The following SMIM36 variants were observed in gnomAD, a reference collection of about 807,000 sequenced individuals.
SMIM36 encodes small integral membrane protein 36.
At chr17:55,472,400 A>T (rs946740841) in intron 3 of SMIM36, among the ~76,000 whole-genome samples, 1 of 152,198 alleles carries the variant, frequency 6.6e-6, no homozygotes, top group Non-Finnish European at 1.5e-5. Context: ...TATGCTTTCC[A>T]CATCCTCCAT....
intron 1 of SMIM36, among the ~76,000 whole-genome samples, chr17:55,497,051 A>G (rs1394223663): frequency 6.6e-6 from 1 of 152,130 alleles, no homozygotes; most frequent in Non-Finnish European, 1.5e-5. Flanking sequence ...TACTTTAGGG[A>G]TAATTCCGAA....
intron 1 of SMIM36, among the ~76,000 whole-genome samples, chr17:55,497,368 G>A (rs562594586): frequency 7.2e-5 from 11 of 152,216 alleles, no homozygotes; most frequent in African/African-American, 2.4e-4. Context: ...GGGTTCAAGC[G>A]ATTCTCCTGC....
chr17:55,455,801 A>C (rs915594857), intron 4 of SMIM36, among the ~76,000 whole-genome samples: 1 of 151,632 alleles, frequency 6.6e-6, no homozygotes, highest in African/African-American at 2.4e-5. Flanking sequence ...CAAAAACAAA[A>C]ACAAACAAAC....
intron 3 of SMIM36, among the ~76,000 whole-genome samples, chr17:55,475,360 T>C (rs1035714336): frequency 2.0e-5 from 3 of 152,240 alleles, no homozygotes; most frequent in African/African-American, 7.2e-5. Context: ...GATGAAGTCA[T>C]ATTATTTACT....
At chr17:55,474,220 C>T (rs1231447682) in intron 3 of SMIM36, among the ~76,000 whole-genome samples, 1 of 152,218 alleles carries the variant, frequency 6.6e-6, no homozygotes, top group Non-Finnish European at 1.5e-5. Context: ...TTGTCTGCGG[C>T]TTGTCCTGCT....
intron 1 of SMIM36, among the ~76,000 whole-genome samples, 175 bp from the exon 2 acceptor site, chr17:55,479,755 AAAGT>A (rs1402246639): frequency 3.9e-5 from 6 of 152,188 alleles, no homozygotes; most frequent in Non-Finnish European, 8.8e-5. Context: ...TATTATATAT[AAAGT>A]AAGGACAACA....
intron 1 of SMIM36, among the ~76,000 whole-genome samples, chr17:55,486,464 A>G (rs1241567440): frequency 2.6e-5 from 4 of 152,040 alleles, no homozygotes; most frequent in Admixed American, 6.6e-5. Flanking sequence ...CATGACCCCA[A>G]ATGTCTAGTA....
At chr17:55,521,099 A>G in the SMIM36 span, among the ~76,000 whole-genome samples, 2 of 152,122 alleles carry the variant, frequency 1.3e-5, no homozygotes, top group African/African-American at 4.8e-5. Flanking sequence ...CTCCAGCTTG[A>G]CTGGAGTCTT....
At chr17:55,498,999 C>CAAAAAAAAAAAAA (rs60117513) in intron 1 of SMIM36, among the ~76,000 whole-genome samples, 1 of 67,048 alleles carries the variant, frequency 1.5e-5, no homozygotes, top group Non-Finnish European at 3.0e-5. Flanking sequence ...ACTCTGTCAC[C>CAAAAAAAAAAAAA]AAAAAAAAAA....
the SMIM36 span, among the ~76,000 whole-genome samples, chr17:55,523,727 C>T: frequency 6.6e-6 from 1 of 151,954 alleles, no homozygotes; most frequent in African/African-American, 2.4e-5. Flanking sequence ...CAGTCTCGGC[C>T]GACTAATACA....
chr17:55,497,561 A>G (rs989478730), intron 1 of SMIM36, among the ~76,000 whole-genome samples: 4 of 152,042 alleles, frequency 2.6e-5, no homozygotes, highest in African/African-American at 9.7e-5. Context: ...CACTATGCCC[A>G]GCCTACCCTC....
At chr17:55,479,169 C>G (rs1909477042) in intron 2 of SMIM36, among the ~76,000 whole-genome samples, 2 of 152,198 alleles carry the variant, frequency 1.3e-5, no homozygotes, top group African/African-American at 4.8e-5. Context: ...AGCTCTTACT[C>G]CCATAGGATT....
intron 4 of SMIM36, among the ~76,000 whole-genome samples, chr17:55,459,946 T>C (rs901405075): frequency 3.9e-5 from 6 of 152,110 alleles, no homozygotes; most frequent in South Asian, 2.1e-4. Context: ...TAAGCTATGA[T>C]AGCACCACTG....
the SMIM36 span, chr17:55,527,710 C>G: frequency 6.6e-6 from 1 of 152,234 alleles, no homozygotes; most frequent in Admixed American, 6.5e-5. Context: ...CATGTGCACG[C>G]TTACCAAGAG....
At chr17:55,483,940 T>C (rs1013030302) in intron 1 of SMIM36, among the ~76,000 whole-genome samples, 11 of 152,208 alleles carry the variant, frequency 7.2e-5, no homozygotes, top group African/African-American at 2.4e-4. Context: ...TGTCAACTAA[T>C]TTCTTAAAAT....
the SMIM36 span, among the ~76,000 whole-genome samples, chr17:55,520,957 G>C: frequency 0.72 from 109,641 of 152,042 alleles, 40,954 homozygotes; most frequent in African/African-American, 0.92. Flanking sequence ...AACCCTGTCT[G>C]TACTAAAAAT....
intron 1 of SMIM36, among the ~76,000 whole-genome samples, chr17:55,507,746 A>G (rs1348704248): frequency 2.0e-5 from 3 of 152,096 alleles, no homozygotes; most frequent in African/African-American, 4.8e-5. Context: ...AAAAAAGAAA[A>G]AAAAAGAATG....
the SMIM36 span, among the ~76,000 whole-genome samples, chr17:55,523,739 C>A: frequency 6.6e-6 from 1 of 152,072 alleles, no homozygotes; most frequent in Non-Finnish European, 1.5e-5. Context: ...ACTAATACAT[C>A]CAGCTTCAGG....
chr17:55,484,600 A>C (rs1251837528), intron 1 of SMIM36, among the ~76,000 whole-genome samples: 2 of 152,234 alleles, frequency 1.3e-5, no homozygotes, highest in Admixed American at 1.3e-4. Context: ...AATTCTTATC[A>C]AAAAAGATGA....
Sources: allele counts gnomAD v4.1 joint callset (sites outside exome capture counted in the v4.1 genomes callset), GRCh38; gene constraint gnomAD v4.1.1; transcripts MANE v1.5; gene names NCBI Gene and HGNC (gene_info 2026-07-23, HGNC 2026-07-21).